Variants in MKRN1 observed in about 807,000 individuals in gnomAD.
MKRN1 encodes E3 ubiquitin-protein ligase makorin-1.
In MKRN1, 9 loss-of-function variants were observed where a neutral mutation model predicts 55.5. That is an observed-to-expected ratio of 0.16 (90% CI 0.10 to 0.28). The LOEUF (loss-of-function observed/expected upper bound fraction) is 0.28. Ranked by LOEUF, MKRN1 falls within the 10% of genes least tolerant of loss-of-function variation. The pLI, the probability that MKRN1 is intolerant of heterozygous loss-of-function variation, is 1.00. For missense variants in MKRN1, 488 were observed against 626.7 expected, an observed-to-expected ratio of 0.78 and a Z score of 2.36; for synonymous variants, 253 against 235.9, an observed-to-expected ratio of 1.07 and a Z score of -0.66.
In MKRN1 at chr7:140,455,097, G is replaced by A. The variant is rs1206627084; in HGVS notation, c.1234C>T (p.Arg412Trp). The change falls in exon 7 of 8, where the codon CGG becomes TGG. Residue 412 changes from arginine (R) to tryptophan (W), a missense_variant and splice_region_variant. Arg to Trp is a moderately radical substitution (Grantham distance 101). This residue lies in a region of MKRN1 where 278 missense variants were observed against 406.7 expected (regional missense o/e 0.68). Transcript: ENST00000255977. ...RQKVGTSSRY[R>W]AQRRNHFWEL... is the part of the protein sequence containing the mutation. ...TTTAAAAAAACAGTGAGAGTTACCC[G>A]GTATCTGCTTGATGTTCCCACTTTC... 12 of 1,613,380 alleles carry A rather than the reference G, an allele frequency of 7.4e-6. No individual in the cohort carries two copies. The highest frequency in any genetic ancestry group is 5.0e-5 in the Admixed American group (3 of 59,884).
chr7:140,455,300 G>T, intron 6 of MKRN1, 67 bp from the exon 7 acceptor site: 1 of 1,592,214 alleles, frequency 6.3e-7, no homozygotes. Context: ...CTATCATCCG[G>T]GGTTTCTTTA....
rs1384017792 is a variant in MKRN1, at chr7:140,453,338, CT to C, written c.*1178del. 6.6e-6 allele frequency: 1 copy of C among 152,582 alleles called. No homozygotes were observed. The highest frequency in any genetic ancestry group is 1.9e-4 in the East Asian group (1 of 5,202). The allele number at this position is 152,582 out of a possible 1,614,324, so 9.5% of individuals were successfully genotyped here. A position where few individuals can be genotyped will look rare whatever the true frequency, so the allele number is the denominator to read the frequency against. ...CCTCCCTTTCGGTGGAAAAGTATGA[CT>C]TATCACTGCAAACCCATTACTCCAC... On this transcript the variant is annotated 3_prime_UTR_variant, in exon 8 of 8. Transcript: ENST00000255977.
rs765877418 is a variant in MKRN1, at chr7:140,459,709, C to T, written c.542G>A (p.Arg181His). Residue 181 changes from arginine (R) to histidine (H), a missense_variant and splice_region_variant, in exon 3 of 8, where the codon CGT becomes CAT. Physicochemically the swap from Arg to His is conservative, Grantham distance 29 (BLOSUM62 0). Coordinates refer to ENST00000255977, the MANE Select transcript of MKRN1 (RefSeq NM_013446.4). ...ATTTTCTTCTTCAGAATACTTACTA[C>T]GGCCACAGTAGGGTTGCCCAGGAAC... Reference protein sequence around the residue: ...EFVPGQPYCGRTAPSCTEAPL... With the variant: ...EFVPGQPYCGHTAPSCTEAPL... 29 of 1,613,170 alleles carry T rather than the reference C, an allele frequency of 1.8e-5. No homozygotes were observed. The highest frequency in any genetic ancestry group is 6.7e-5 in the East Asian group (3 of 44,888).
At chr7:140,466,258 A>C (rs1229879784) in intron 2 of MKRN1, among the ~76,000 whole-genome samples, 1 of 152,186 alleles carries the variant, frequency 6.6e-6, no homozygotes, top group Non-Finnish European at 1.5e-5. Context: ...CAAGTAGACT[A>C]CTATAGTTTC....
chr7:140,476,129 T>C (rs1025498423), intron 1 of MKRN1, among the ~76,000 whole-genome samples: 1 of 152,122 alleles, frequency 6.6e-6, no homozygotes, highest in African/African-American at 2.4e-5. Flanking sequence ...AGTGATGTGC[T>C]ATAGGGAGAA....
intron 5 of MKRN1, 137 bp from the exon 6 acceptor site, chr7:140,456,037 A>G (rs573238460): frequency 6.0e-6 from 6 of 1,002,436 alleles, no homozygotes; most frequent in Non-Finnish European, 8.7e-6. Flanking sequence ...AGGGTTCCAC[A>G]TACTGTCACA....
At position 140,468,701 on chromosome 7, in the gene MKRN1, C is replaced by CAAAAAAAAAA. The variant is rs528725182; in HGVS notation, c.314+3172_314+3181dup. ...GGCGACAGACTGAGACTCTGTCTCA[C>CAAAAAAAAAA]AAAAAAAAAAAAAAAAAAAAAAAAG... On this transcript the variant is annotated intron_variant, in intron 2 of 7. Transcript: ENST00000255977. 1.2e-3 allele frequency among the ~76,000 whole-genome samples: 38 copies of CAAAAAAAAAA among 32,108 alleles called. 3 individuals are homozygous for CAAAAAAAAAA. Among genetic ancestry groups the CAAAAAAAAAA allele is most frequent in the Middle Eastern group, 0.02 (1 of 50 alleles). 21.1% of individuals were successfully genotyped at this position (32,108 alleles called of 152,430 possible).
chr7:140,462,649 C>T (rs993041686), intron 2 of MKRN1, among the ~76,000 whole-genome samples: 1 of 151,520 alleles, frequency 6.6e-6, no homozygotes, highest in Non-Finnish European at 1.5e-5. Flanking sequence ...GGCAACATGG[C>T]AAAACTCCGT....
At chr7:140,461,541 A>G (rs1160159009) in intron 2 of MKRN1, among the ~76,000 whole-genome samples, 2 of 151,994 alleles carry the variant, frequency 1.3e-5, no homozygotes, top group South Asian at 2.1e-4. Flanking sequence ...AGGCTGAGGC[A>G]TAACAGTTGT....
chr7:140,460,302 TTTC>T (rs1184601953), intron 2 of MKRN1: 1 of 156,990 alleles, frequency 6.4e-6, no homozygotes, highest in Non-Finnish European at 1.3e-5. Flanking sequence ...TATATACCTT[TTTC>T]TTTTCTTTTT....
chr7:140,471,054 C>T (rs557864165), intron 2 of MKRN1, among the ~76,000 whole-genome samples: 2 of 152,278 alleles, frequency 1.3e-5, no homozygotes, highest in African/African-American at 4.8e-5. Context: ...ACCCCAGAAA[C>T]TGAGATAATA....
intron 2 of MKRN1, among the ~76,000 whole-genome samples, chr7:140,461,595 A>C (rs1366472504): frequency 6.6e-6 from 1 of 152,102 alleles, no homozygotes; most frequent in Non-Finnish European, 1.5e-5. Flanking sequence ...AGATCAGGCC[A>C]CTGCATTCCA....
chr7:140,471,333 C>T (rs1031893460), intron 2 of MKRN1, among the ~76,000 whole-genome samples: 4 of 149,618 alleles, frequency 2.7e-5, no homozygotes, highest in Non-Finnish European at 6.0e-5. Context: ...GAAGTGACCA[C>T]ACCACTGCAC....
intron 5 of MKRN1, chr7:140,456,266 A>G: frequency 8.6e-7 from 1 of 1,161,030 alleles, no homozygotes. Context: ...TTATGAGAAC[A>G]ATCTTTAAAG....
rs750268168 is a variant in MKRN1, at chr7:140,454,477, T to C, written c.*40A>G. ...ACACCACCACAGGGGACAGCTGCTG[T>C]CTGAGGTCAGCAGACCAGTTCACAC... On this transcript the variant is annotated 3_prime_UTR_variant, in exon 8 of 8. Transcript: ENST00000255977. The C allele has an allele frequency of 9.0e-6, 14 of 1,562,628 alleles. No homozygotes were observed. The highest frequency in any genetic ancestry group is 1.1e-5 in the Non-Finnish European group (13 of 1,141,842).
At chr7:140,461,665 C>CAAG (rs1046427383) in intron 2 of MKRN1, among the ~76,000 whole-genome samples, 1 of 151,362 alleles carries the variant, frequency 6.6e-6, no homozygotes, top group Non-Finnish European at 1.5e-5. Flanking sequence ...CAAAGCATAG[C>CAAG]AAGCATCTTT....
At chr7:140,456,545 T>G (rs1794471470) in intron 5 of MKRN1, 107 bp downstream of exon 5, 1 of 1,488,136 alleles carries the variant, frequency 6.7e-7, no homozygotes, top group African/African-American at 1.4e-5. Context: ...AGTTTCAAGA[T>G]AAAATGCATG....
intron 1 of MKRN1, among the ~76,000 whole-genome samples, chr7:140,473,040 G>C (rs185569644): frequency 6.6e-6 from 1 of 151,580 alleles, no homozygotes; most frequent in African/African-American, 2.4e-5. Flanking sequence ...GCAGTGAGCC[G>C]AGATCGTGCC....
intron 2 of MKRN1, among the ~76,000 whole-genome samples, chr7:140,468,687 G>T (rs996520887): frequency 1.7e-4 from 15 of 90,312 alleles, no homozygotes; most frequent in Non-Finnish European, 2.8e-4. Context: ...GCGACAGACT[G>T]AGACTCTGTC....
Sources: gnomAD v4.1 joint callset for allele counts (sites outside exome capture counted in the v4.1 genomes callset) on GRCh38, gnomAD v4.1.1 for gene constraint, gnomAD v4.1.1 regional missense constraint, MANE v1.5 for transcripts, NCBI Gene and HGNC (gene_info 2026-07-23, HGNC 2026-07-21) for gene names.